The following GAS7 variants were observed in gnomAD, a reference collection of about 807,000 sequenced individuals.
GAS7 encodes growth arrest specific 7.
A neutral mutation model predicts 71.1 loss-of-function variants in GAS7; 28 were observed. That is an observed-to-expected ratio of 0.39 (90% CI 0.29 to 0.54). The LOEUF (loss-of-function observed/expected upper bound fraction) is 0.54. Among genes scored for constraint, GAS7 ranks in the 20% least tolerant of loss-of-function variants. The pLI is 0.62. For missense variants in GAS7, 436 were observed against 627.8 expected (o/e 0.69, Z 3.27); for synonymous variants, 258 against 245.8 (o/e 1.05, Z -0.46).
Position 9,919,598 on chromosome 17 carries a change from C to T in GAS7, c.1218+28G>A, listed in dbSNP as rs2067720681. Reference sequence around the variant, plus strand: ...CTGCTCTGTGTCAGCCTCTGTACTGCCATGTCCACACATCCCTGCCCGCTT... The same window carrying T: ...CTGCTCTGTGTCAGCCTCTGTACTGTCATGTCCACACATCCCTGCCCGCTT... On this transcript the variant is annotated intron_variant, in intron 12 of 13. Transcript: ENST00000432992. This position sits in a 1 kb window ranked among gnomAD's most constrained non-coding sequence, Gnocchi z 5.0. 3 of 1,532,176 alleles carry T rather than the reference C, an allele frequency of 2.0e-6. No homozygotes were observed. The highest frequency in any genetic ancestry group is 2.7e-6 in the Non-Finnish European group (3 of 1,105,064). 94.9% of individuals were successfully genotyped at this position (1,532,176 alleles called of 1,614,324 possible). A position where few individuals can be genotyped will look rare whatever the true frequency, so the allele number is the denominator to read the frequency against.
chr17:10,158,343 A>ATAAAAC (rs2074221674), intron 1 of GAS7, among the ~76,000 whole-genome samples: 2 of 132,372 alleles, frequency 1.5e-5, no homozygotes, highest in Non-Finnish European at 3.4e-5. Context: ...TGGTAAAAAA[A>ATAAAAC]AAAAAAAAAA....
chr17:10,081,448 C>T (rs1224487736), intron 1 of GAS7, among the ~76,000 whole-genome samples: 1 of 152,144 alleles, frequency 6.6e-6, no homozygotes, highest in Non-Finnish European at 1.5e-5. Context: ...GCCACTGTGC[C>T]CAGCCAAGAG....
intron 2 of GAS7, among the ~76,000 whole-genome samples, chr17:9,987,728 C>A (rs8081764): frequency 1.3e-5 from 2 of 152,116 alleles, no homozygotes; most frequent in Non-Finnish European, 2.9e-5. Context: ...GCCCCTTCTT[C>A]AAAATAATAA....
chr17:10,011,968 T>G (rs1481342821), intron 2 of GAS7, among the ~76,000 whole-genome samples: 2 of 126,602 alleles, frequency 1.6e-5, no homozygotes, highest in South Asian at 2.4e-4. Context: ...AGAGTGAAAC[T>G]CCATCTCAAA....
At chr17:10,012,339 G>A (rs1351264726) in intron 2 of GAS7, among the ~76,000 whole-genome samples, 1 of 152,150 alleles carries the variant, frequency 6.6e-6, no homozygotes, top group Non-Finnish European at 1.5e-5. Context: ...CCAGGCTGGA[G>A]AGCAATGGTG....
At chr17:10,013,057 C>T (rs570977565) in intron 2 of GAS7, among the ~76,000 whole-genome samples, 117 of 149,080 alleles carry the variant, frequency 7.8e-4, no homozygotes, top group African/African-American at 2.8e-3. Flanking sequence ...GAGCCGAGAT[C>T]GTGCCACTGC....
At chr17:10,118,324 C>T (rs901574659) in intron 1 of GAS7, among the ~76,000 whole-genome samples, 10 of 152,144 alleles carry the variant, frequency 6.6e-5, no homozygotes, top group Admixed American at 6.5e-4. Flanking sequence ...ACCACAGGCT[C>T]AAAATCCTCA....
chr17:9,938,999 T>G (rs181211706), intron 8 of GAS7, among the ~76,000 whole-genome samples: 3 of 152,208 alleles, frequency 2.0e-5, no homozygotes, highest in Non-Finnish European at 4.4e-5. Context: ...TATCCATGGG[T>G]ATCCATTGTG....
intron 1 of GAS7, among the ~76,000 whole-genome samples, chr17:10,130,421 C>T (rs2073988197): frequency 6.6e-6 from 1 of 151,882 alleles, no homozygotes; most frequent in African/African-American, 2.4e-5. Context: ...GGTACAGCAG[C>T]CTTGGAAAAC....
At chr17:9,983,062 C>T (rs958201370) in intron 2 of GAS7, among the ~76,000 whole-genome samples, 29 of 151,696 alleles carry the variant, frequency 1.9e-4, no homozygotes, top group African/African-American at 6.5e-4. Context: ...ACCCATCATC[C>T]CACCATTCAG....
At chr17:9,941,343 G>A (rs1179327977) in intron 7 of GAS7, among the ~76,000 whole-genome samples, 3 of 152,086 alleles carry the variant, frequency 2.0e-5, no homozygotes, top group African/African-American at 7.2e-5. Context: ...TCCATGCCAC[G>A]CTCCCGGCTC....
chr17:10,155,189 T>C (rs1171574853), intron 1 of GAS7, among the ~76,000 whole-genome samples: 4 of 152,044 alleles, frequency 2.6e-5, no homozygotes, highest in Non-Finnish European at 5.9e-5. Context: ...TAATTTTTTG[T>C]ATTTTAAGTA....
intron 2 of GAS7, among the ~76,000 whole-genome samples, chr17:9,995,218 G>A (rs1192443757): frequency 6.6e-6 from 1 of 152,140 alleles, no homozygotes; most frequent in Non-Finnish European, 1.5e-5. Flanking sequence ...TGACTGTATT[G>A]AATAAATGTG....
chr17:10,128,183 C>G (rs2073965994), intron 1 of GAS7, among the ~76,000 whole-genome samples: 1 of 152,222 alleles, frequency 6.6e-6, no homozygotes, highest in South Asian at 2.1e-4. Flanking sequence ...GTGCCCAACC[C>G]ACACATGGGA....
chr17:9,991,606 A>T (rs1162718962), intron 2 of GAS7, among the ~76,000 whole-genome samples: 1 of 152,090 alleles, frequency 6.6e-6, no homozygotes, highest in Non-Finnish European at 1.5e-5. Flanking sequence ...CGCAGGGAGT[A>T]GGGGGTGCTG....
chr17:9,944,863 A>C (rs2068733531), intron 6 of GAS7, among the ~76,000 whole-genome samples: 1 of 152,222 alleles, frequency 6.6e-6, no homozygotes, highest in South Asian at 2.1e-4. Flanking sequence ...GGATATGCTG[A>C]GCTATGCACT....
chr17:9,969,171 T>C lies in GAS7; in HGVS notation c.471+506A>G, dbSNP rs1399677532. Among the ~76,000 whole-genome samples, 1 of 152,178 alleles carries C rather than the reference T, an allele frequency of 6.6e-6. No homozygotes were observed. Among genetic ancestry groups the C allele is most frequent in the Non-Finnish European group, 1.5e-5 (1 of 68,028 alleles). On this transcript the variant is annotated intron_variant, in intron 4 of 13. Coordinates refer to ENST00000432992, the MANE Select transcript of GAS7 (RefSeq NM_201433.2). This position sits in a 1 kb window ranked among gnomAD's most constrained non-coding sequence, Gnocchi z 5.5. ...CTCACATGTTTGCATAAACATCAAG[T>C]AGGATGGAGACTGAGAAAACAGTTT...
In GAS7 at chr17:10,048,931, A is replaced by T. The variant is rs147300320; in HGVS notation, c.184-29034T>A. Reference sequence around the variant, plus strand: ...ATTTTCCAGCTCATTGCGGGGGGGAAGATTAGTGCCTTAGTATTTCATTCA... The same window carrying T: ...ATTTTCCAGCTCATTGCGGGGGGGATGATTAGTGCCTTAGTATTTCATTCA... On this transcript the variant is annotated intron_variant, in intron 1 of 13. Coordinates refer to ENST00000432992, the MANE Select transcript of GAS7 (RefSeq NM_201433.2). Among the ~76,000 whole-genome samples, 197 of 152,320 alleles carry T rather than the reference A, an allele frequency of 1.3e-3. 1 individual carries two copies. Among genetic ancestry groups the T allele is most frequent in the African/African-American group, 4.6e-3 (190 of 41,572 alleles).
intron 9 of GAS7, among the ~76,000 whole-genome samples, chr17:9,928,269 C>T (rs185510498): frequency 0.036 from 5,259 of 147,812 alleles, 246 homozygotes; most frequent in African/African-American, 0.084. Context: ...CCTGCCACCA[C>T]GCCCGGCTAA....
Sources: allele counts gnomAD v4.1 joint callset (sites outside exome capture counted in the v4.1 genomes callset), GRCh38; gene constraint gnomAD v4.1.1; non-coding constraint Gnocchi (gnomAD v3.1); transcripts MANE v1.5; gene names NCBI Gene and HGNC (gene_info 2026-07-23, HGNC 2026-07-21).